Variants in NRXN1 observed in about 807,000 individuals in gnomAD.
NRXN1 encodes the protein neurexin-1.
Under a neutral mutation model 150.9 loss-of-function variants are expected in NRXN1, and 39 were observed. The ratio of observed to expected loss-of-function variants is 0.26; its 90% CI spans 0.20 to 0.34. NRXN1 has a LOEUF of 0.34. NRXN1 is among the 10% of genes least tolerant of loss of function. The pLI is 1.00. For synonymous variants in NRXN1, 924 were observed against 757.0 expected (o/e 1.22, Z -3.62); for missense variants, 1,815 against 1,949.9 (o/e 0.93, Z 1.30).
In NRXN1 at chr2:50,644,798, T is replaced by C. The variant is rs1481938643; in HGVS notation, c.833-21183A>G. 2.1e-5 allele frequency among the ~76,000 whole-genome samples: 3 copies of C among 145,362 alleles called. No homozygotes were observed. In the South Asian group the frequency reaches 6.3e-4, roughly 30 times the overall value. On this transcript the variant is annotated intron_variant, in intron 5 of 22. Transcript: ENST00000401669. ...ATTTTGCATATGTATATAAAAGAAA[T>C]ATATATATAATATATATGAATATAA... is the stretch of plus-strand genomic sequence containing the variant.
chr2:50,483,817 T>C (rs2090662657), intron 15 of NRXN1, among the ~76,000 whole-genome samples: 1 of 152,172 alleles, frequency 6.6e-6, no homozygotes, highest in African/African-American at 2.4e-5. Context: ...GTTCTGGAAA[T>C]TAAAAGAGAC....
intron 18 of NRXN1, among the ~76,000 whole-genome samples, chr2:50,213,806 T>C (rs1199891752): frequency 6.6e-6 from 1 of 151,946 alleles, no homozygotes; most frequent in African/African-American, 2.4e-5. Flanking sequence ...CATCAACTTC[T>C]TGTTCAACTC....
chr2:50,999,505 T>A (rs185699093), intron 2 of NRXN1, among the ~76,000 whole-genome samples: 1 of 151,982 alleles, frequency 6.6e-6, no homozygotes, highest in African/African-American at 2.4e-5. Context: ...CCCCCATAGT[T>A]CCTCTTTTCA....
intron 17 of NRXN1, among the ~76,000 whole-genome samples, chr2:50,249,575 T>C (rs890565581): frequency 9.9e-5 from 15 of 151,992 alleles, no homozygotes; most frequent in Admixed American, 3.9e-4. Flanking sequence ...AGGTGTGACA[T>C]AGCTCTGAAA....
intron 5 of NRXN1, among the ~76,000 whole-genome samples, chr2:50,780,228 T>C (rs1704189369): frequency 6.6e-6 from 1 of 152,200 alleles, no homozygotes; most frequent in African/African-American, 2.4e-5. Flanking sequence ...TTAAGTTCCT[T>C]GTAGATTCTA....
chr2:50,656,341 C>G (rs779139014), intron 5 of NRXN1: 1 of 773,976 alleles, frequency 1.3e-6, no homozygotes. Context: ...ATTCTATACT[C>G]TAAAGAGTAC....
chr2:50,654,738 G>A (rs1207736221), intron 5 of NRXN1, among the ~76,000 whole-genome samples: 1 of 151,998 alleles, frequency 6.6e-6, no homozygotes, highest in Non-Finnish European at 1.5e-5. Context: ...GGTGTGAGAT[G>A]GTATCTCATT....
intron 5 of NRXN1, among the ~76,000 whole-genome samples, chr2:50,870,150 T>C (rs1419287231): frequency 6.6e-6 from 1 of 151,884 alleles, no homozygotes; most frequent in Non-Finnish European, 1.5e-5. Context: ...TATGTGAAAT[T>C]TGGAGACAAA....
At chr2:50,687,344 G>A (rs899234583) in intron 5 of NRXN1, among the ~76,000 whole-genome samples, 3 of 152,122 alleles carry the variant, frequency 2.0e-5, no homozygotes, top group African/African-American at 7.2e-5. Context: ...TTCCTACATA[G>A]ATACTTCTAA....
intron 21 of NRXN1, among the ~76,000 whole-genome samples, chr2:50,012,439 C>G (rs6714990): frequency 0.83 from 126,979 of 152,094 alleles, 53,098 homozygotes; most frequent in Middle Eastern, 0.88. Context: ...ATGGTGTCAT[C>G]TCTTCACCAA....
chr2:50,579,967 A>G (rs1672008899), intron 8 of NRXN1, among the ~76,000 whole-genome samples: 1 of 152,096 alleles, frequency 6.6e-6, no homozygotes, highest in African/African-American at 2.4e-5. Flanking sequence ...CAGCAAGGAG[A>G]TTTTTCTGAT....
intron 5 of NRXN1, among the ~76,000 whole-genome samples, chr2:50,817,078 G>A (rs1302235808): frequency 6.6e-6 from 1 of 152,034 alleles, no homozygotes; most frequent in Non-Finnish European, 1.5e-5. Flanking sequence ...TTTCATGACT[G>A]AATTTCCATA....
intron 2 of NRXN1, among the ~76,000 whole-genome samples, chr2:51,013,891 T>A (rs947751929): frequency 6.6e-6 from 1 of 152,098 alleles, no homozygotes; most frequent in African/African-American, 2.4e-5. Flanking sequence ...CTTTTTTCTG[T>A]TTGTCAGCTC....
At chr2:51,024,496 C>G (rs115422860) in intron 2 of NRXN1, among the ~76,000 whole-genome samples, 1,882 of 152,192 alleles carry the variant, frequency 0.012, 50 homozygotes, top group African/African-American at 0.043. Context: ...CAGGTTCTGC[C>G]ACTAACCTGG....
At chr2:50,011,687 A>G (rs1685695422) in intron 21 of NRXN1, among the ~76,000 whole-genome samples, 1 of 152,108 alleles carries the variant, frequency 6.6e-6, no homozygotes, top group Non-Finnish European at 1.5e-5. Context: ...CTAGGTATAG[A>G]TATATCCTTA....
At chr2:50,052,602 T>A (rs936733918) in intron 21 of NRXN1, among the ~76,000 whole-genome samples, 1 of 152,136 alleles carries the variant, frequency 6.6e-6, no homozygotes, top group African/African-American at 2.4e-5. Context: ...CATTTAAAAA[T>A]CATATTCTTC....
chr2:50,857,808 C>T (rs1024671167), intron 5 of NRXN1, among the ~76,000 whole-genome samples: 2 of 133,548 alleles, frequency 1.5e-5, no homozygotes, highest in Non-Finnish European at 3.6e-5. Context: ...AAGGCCTAAT[C>T]AAAATAGATT....
At chr2:50,229,600 G>A (rs1281528097) in intron 18 of NRXN1, among the ~76,000 whole-genome samples, 1 of 151,228 alleles carries the variant, frequency 6.6e-6, no homozygotes, top group Admixed American at 6.6e-5. Flanking sequence ...TCTAAATACA[G>A]GAGTTCTTAA....
intron 5 of NRXN1, among the ~76,000 whole-genome samples, chr2:50,678,276 A>C (rs1424829467): frequency 6.6e-6 from 1 of 152,190 alleles, no homozygotes; most frequent in Non-Finnish European, 1.5e-5. Flanking sequence ...ACACGAATAC[A>C]CAAGGCTGTA....
Sources: gnomAD v4.1 joint callset for allele counts (sites outside exome capture counted in the v4.1 genomes callset) on GRCh38, gnomAD v4.1.1 for gene constraint, MANE v1.5 for transcripts, NCBI Gene and HGNC (gene_info 2026-07-23, HGNC 2026-07-21) for gene names.